Variants in CCDC148 observed in about 807,000 individuals in gnomAD.
The protein encoded by CCDC148 is coiled-coil domain containing 148.
Under a neutral mutation model 85.7 loss-of-function variants are expected in CCDC148, and 89 were observed. The observed-to-expected ratio is 1.04, with a 90% CI of 0.87 to 1.24. The LOEUF (loss-of-function observed/expected upper bound fraction) is 1.24. CCDC148 is among the 50% of genes most tolerant of loss of function. The pLI, the probability that CCDC148 is intolerant of heterozygous loss-of-function variation, is 0.00. For missense variants in CCDC148, 692 were observed against 671.7 expected (o/e 1.03, Z -0.33); for synonymous variants, 230 against 213.9 (o/e 1.08, Z -0.66).
intron 10 of CCDC148, among the ~76,000 whole-genome samples, chr2:158,223,581 G>C (rs1463073152): frequency 6.6e-6 from 1 of 152,208 alleles, no homozygotes; most frequent in Non-Finnish European, 1.5e-5. Flanking sequence ...AGTAGGGGCA[G>C]ACTGACACCT....
At chr2:158,211,388 C>A (rs1465555452) in intron 11 of CCDC148, among the ~76,000 whole-genome samples, 1 of 152,036 alleles carries the variant, frequency 6.6e-6, no homozygotes. Context: ...ACATATGAAA[C>A]AAAAATAATG....
At chr2:158,373,476 G>A (rs557344092) in intron 1 of CCDC148, among the ~76,000 whole-genome samples, 2 of 152,032 alleles carry the variant, frequency 1.3e-5, no homozygotes, top group Middle Eastern at 3.4e-3. Flanking sequence ...TGCTTGGAAG[G>A]CCTTTCTGTG....
intron 1 of CCDC148, among the ~76,000 whole-genome samples, chr2:158,432,775 T>A (rs1229976730): frequency 2.0e-5 from 3 of 151,814 alleles, no homozygotes; most frequent in Non-Finnish European, 2.9e-5. Context: ...GCCAAAAAAA[T>A]AAATTACAGG....
intron 11 of CCDC148, among the ~76,000 whole-genome samples, chr2:158,180,104 T>C (rs1006250341): frequency 6.6e-6 from 1 of 152,158 alleles, no homozygotes; most frequent in Non-Finnish European, 1.5e-5. Context: ...TCTCCACCTC[T>C]GCCTTTCATC....
At chr2:158,192,879 A>G (rs748339347) in intron 11 of CCDC148, among the ~76,000 whole-genome samples, 9 of 151,794 alleles carry the variant, frequency 5.9e-5, no homozygotes, top group Admixed American at 1.3e-4. Context: ...AAAAAAGGCT[A>G]TTTTATTTTC....
intron 8 of CCDC148, among the ~76,000 whole-genome samples, chr2:158,310,751 A>G (rs1217985734): frequency 1.5e-5 from 2 of 132,506 alleles, no homozygotes; most frequent in African/African-American, 5.8e-5. Flanking sequence ...CACTCCTCAC[A>G]TCCCAGACAG....
At chr2:158,421,413 T>A (rs1686774745) in intron 1 of CCDC148, among the ~76,000 whole-genome samples, 1 of 152,140 alleles carries the variant, frequency 6.6e-6, no homozygotes, top group Non-Finnish European at 1.5e-5. Context: ...GCAATCAAAC[T>A]AGAACTCAGG....
At chr2:158,294,101 G>A (rs1000409849) in intron 9 of CCDC148, among the ~76,000 whole-genome samples, 2 of 142,500 alleles carry the variant, frequency 1.4e-5, no homozygotes, top group South Asian at 2.4e-4. Flanking sequence ...ACCCCGCCAA[G>A]TCCTCTGCAA....
chr2:158,205,193 G>T (rs2105286341), intron 11 of CCDC148, among the ~76,000 whole-genome samples: 1 of 152,282 alleles, frequency 6.6e-6, no homozygotes, highest in Non-Finnish European at 1.5e-5. Flanking sequence ...GACAGCAAAG[G>T]ATATCAATAT....
intron 7 of CCDC148, among the ~76,000 whole-genome samples, chr2:158,321,105 A>C (rs1178397097): frequency 6.6e-6 from 1 of 152,206 alleles, no homozygotes; most frequent in African/African-American, 2.4e-5. Flanking sequence ...AAGAGAATTT[A>C]AAATGTTTTA....
At chr2:158,433,564 C>T (rs142871164) in intron 1 of CCDC148, among the ~76,000 whole-genome samples, 118 of 152,170 alleles carry the variant, frequency 7.8e-4, no homozygotes, top group African/African-American at 2.6e-3. Context: ...GCATGAGCAA[C>T]GCAGAATATA....
chr2:158,263,197 T>G (rs1689305250), intron 9 of CCDC148, among the ~76,000 whole-genome samples: 1 of 152,038 alleles, frequency 6.6e-6, no homozygotes, highest in South Asian at 2.1e-4. Flanking sequence ...AAGTTTAGAA[T>G]ACAATAAGAC....
intron 7 of CCDC148, among the ~76,000 whole-genome samples, chr2:158,323,919 C>CT (rs777356867): frequency 0.23 from 19,174 of 82,758 alleles, 5,026 homozygotes; most frequent in Non-Finnish European, 0.35. Context: ...CTGGGAATAA[C>CT]TTTTTTTTTT....
chr2:158,397,163 A>AT (rs1437436617), intron 1 of CCDC148, among the ~76,000 whole-genome samples: 1 of 152,024 alleles, frequency 6.6e-6, no homozygotes, highest in East Asian at 1.9e-4. Flanking sequence ...AGTAAGAAAT[A>AT]TTTTTCAGAT....
chr2:158,281,762 C>T (rs1415236249), intron 9 of CCDC148, among the ~76,000 whole-genome samples: 2 of 152,286 alleles, frequency 1.3e-5, no homozygotes, highest in Non-Finnish European at 1.5e-5. Context: ...AGGGAATCCT[C>T]CCTAACTCAT....
chr2:158,400,292 T>C (rs571060123), intron 1 of CCDC148, among the ~76,000 whole-genome samples: 1 of 152,306 alleles, frequency 6.6e-6, no homozygotes, highest in East Asian at 1.9e-4. Flanking sequence ...GGCATCATGC[T>C]ACCTGACTTC....
At chr2:158,272,339 G>T (rs1689735744) in intron 9 of CCDC148, among the ~76,000 whole-genome samples, 1 of 152,158 alleles carries the variant, frequency 6.6e-6, no homozygotes, top group Non-Finnish European at 1.5e-5. Flanking sequence ...CATTGATGGA[G>T]AAGAAGGGTA....
chr2:158,333,907 G>A (rs890693906), intron 7 of CCDC148, among the ~76,000 whole-genome samples: 1 of 151,998 alleles, frequency 6.6e-6, no homozygotes, highest in Admixed American at 6.6e-5. Flanking sequence ...CTGCCTATCT[G>A]GGTCTTTCAT....
At chr2:158,265,100 C>T (rs1176416577) in intron 9 of CCDC148, among the ~76,000 whole-genome samples, 1 of 152,052 alleles carries the variant, frequency 6.6e-6, no homozygotes, top group Admixed American at 6.6e-5. Context: ...ATACTATTCA[C>T]CCAAGGAGAC....
Sources: allele counts gnomAD v4.1 joint callset (sites outside exome capture counted in the v4.1 genomes callset), GRCh38; gene constraint gnomAD v4.1.1; transcripts MANE v1.5; gene names NCBI Gene and HGNC (gene_info 2026-07-23, HGNC 2026-07-21).